KIF26A: variants seen among roughly 807,000 people sequenced by gnomAD.
The protein encoded by KIF26A is kinesin-like protein KIF26A.
In KIF26A, 74 loss-of-function variants were observed where a neutral mutation model predicts 126.0. The observed-to-expected ratio is 0.59, with a 90% CI of 0.49 to 0.71. The LOEUF is 0.71. Ranked by LOEUF, KIF26A falls within the 30% of genes least tolerant of loss-of-function variation. The probability of loss-of-function intolerance (pLI) is 0.00; values close to 1 mark genes in which losing one functional copy is unlikely to be tolerated. For missense variants in KIF26A, 2,984 were observed against 2,763.3 expected, an observed-to-expected ratio of 1.08 and a Z score of -1.79; for synonymous variants, 1,445 against 1,232.7, an observed-to-expected ratio of 1.17 and a Z score of -3.61.
chr14:104,165,544 C>CGT (rs1003334672), intron 4 of KIF26A, among the ~76,000 whole-genome samples: 7 of 91,352 alleles, frequency 7.7e-5, no homozygotes, highest in African/African-American at 1.1e-4. Flanking sequence ...TGTGTCTATG[C>CGT]GTGTGTGTGT....
At chr14:104,172,790 G>A (rs1487668859) in intron 7 of KIF26A, 122 bp downstream of exon 7, 11 of 1,068,276 alleles carry the variant, frequency 1.0e-5, no homozygotes, top group Admixed American at 2.5e-5. Flanking sequence ...GCCGTGGTGG[G>A]CATATGGGGT....
chr14:104,175,892 C>T lies in KIF26A; in HGVS notation c.3104C>T (p.Thr1035Met), dbSNP rs373844547. The T allele has an allele frequency of 1.8e-4, 282 of 1,542,318 alleles. No homozygotes were observed. The highest frequency in any genetic ancestry group is 2.3e-4 in the Non-Finnish European group (266 of 1,149,004). The change falls in exon 12 of 15, where the codon ACG (threonine) becomes ATG (methionine). Residue 1035 changes from threonine (T) to methionine (M), a missense_variant. Physicochemically the swap from Thr to Met is moderately conservative, Grantham distance 81. Transcript: ENST00000423312. ...ELNGEDELVF[T>M]VVEELSLGAL... ...AACGGCGAGGACGAGCTGGTGTTCA[C>T]GGTGGTGGAGGAGCTGTCCCTGGGG...
At chr14:104,165,313 G>GTC (rs1255382613) in intron 4 of KIF26A, among the ~76,000 whole-genome samples, 1 of 150,364 alleles carries the variant, frequency 6.7e-6, no homozygotes, top group Non-Finnish European at 1.5e-5. Flanking sequence ...GTGTCTGTGT[G>GTC]TCTCTATGCA....
chr14:104,169,199 A>C (rs1370325616), intron 5 of KIF26A, among the ~76,000 whole-genome samples: 1 of 152,070 alleles, frequency 6.6e-6, no homozygotes, highest in Non-Finnish European at 1.5e-5. Flanking sequence ...GAGGACGCCG[A>C]GGTCAGGTGT....
chr14:104,175,994 G>T lies in KIF26A; in HGVS notation c.3206G>T (p.Gly1069Val). 1.3e-6 allele frequency: 2 copies of T among 1,581,594 alleles called. No individual in the cohort carries two copies. The highest frequency in any genetic ancestry group is 1.7e-6 in the Non-Finnish European group (2 of 1,170,400). ...TGCTCCCTGCGGGCCCTGGCCTCGG[G>T]GTCCCGGCCAGTCAGCATCATCAGC... Reference protein sequence around the residue: ...SDCSLRALASGSRPVSIISSI... With the variant: ...SDCSLRALASVSRPVSIISSI... Residue 1069 changes from glycine to valine, a missense_variant, in exon 12 of 15, where the codon GGG becomes GTG. Gly to Val is a moderately radical substitution (Grantham distance 109, BLOSUM62 -3). Transcript: ENST00000423312.
Position 104,138,777 on chromosome 14 carries a change from C to G in KIF26A, c.42+13C>G, listed in dbSNP as rs988376752. The G allele has an allele frequency of 8.0e-6, 10 of 1,256,304 alleles. No homozygotes were observed. In the South Asian group the frequency reaches 9.8e-5, roughly 12 times the overall value. The allele number at this position is 1,256,304 out of a possible 1,614,324, so 77.8% of individuals were successfully genotyped here. On this transcript the variant is annotated intron_variant, in intron 1 of 14. Transcript: ENST00000423312. The stretch of plus-strand genomic sequence containing the variant: ...TGCGCAGCCCGCGGTACGCGCGGCC[C>G]GGCCTGGAGAGGGAGGCGGGCGGCG...
intron 2 of KIF26A, among the ~76,000 whole-genome samples, chr14:104,150,061 C>A (rs558066324): frequency 2.0e-5 from 3 of 152,184 alleles, no homozygotes; most frequent in Admixed American, 2.0e-4. Flanking sequence ...GCCCACTGGC[C>A]GCATCAGCAG....
At chr14:104,167,123 G>A (rs2037914352) in intron 5 of KIF26A, 75 bp downstream of exon 5, 2 of 1,367,542 alleles carry the variant, frequency 1.5e-6, no homozygotes, top group South Asian at 1.6e-5. Context: ...AGGGGTGAGG[G>A]AGTGGAGGGG....
intron 11 of KIF26A, among the ~76,000 whole-genome samples, 175 bp downstream of exon 11, chr14:104,174,485 G>T (rs2497298): frequency 0.38 from 57,144 of 151,998 alleles, 11,515 homozygotes; most frequent in African/African-American, 0.52. Flanking sequence ...CTGGGGGGTG[G>T]GGAGCCCAGC....
Position 104,176,406 on chromosome 14 carries a change from C to T in KIF26A, c.3618C>T (p.Ile1206=). 9.4e-6 allele frequency: 15 copies of T among 1,591,678 alleles called. No homozygotes were observed. Among genetic ancestry groups the T allele is most frequent in the Non-Finnish European group, 1.3e-5 (15 of 1,165,866 alleles). ...PSRWASAAQT[I]HSSLPRKPRT... ...GGTGGGCATCCGCAGCCCAGACCAT[C>T]CACTCCAGCCTCCCCCGGAAACCGA... Residue 1206 remains isoleucine, a synonymous_variant, in exon 12 of 15, where the codon ATC becomes ATT. Transcript: ENST00000423312.
At chr14:104,144,132 T>TG (rs1165805051) in intron 2 of KIF26A, among the ~76,000 whole-genome samples, 4 of 152,100 alleles carry the variant, frequency 2.6e-5, no homozygotes, top group African/African-American at 9.7e-5. Context: ...CAGCATGTGA[T>TG]GGGTGGAGGG....
intron 1 of KIF26A, 134 bp downstream of exon 1, chr14:104,138,898 G>C: frequency 3.2e-6 from 4 of 1,251,026 alleles, no homozygotes; most frequent in Non-Finnish European, 4.0e-6. Flanking sequence ...GGGACCTCCG[G>C]GGATGGAGGG....
In KIF26A at chr14:104,152,226, C is replaced by A; in HGVS notation, c.500C>A (p.Thr167Lys). Residue 167 changes from threonine to lysine, a missense_variant, in exon 3 of 15, where the codon ACG becomes AAG. By Grantham distance (78) the Thr-to-Lys change is moderately conservative (BLOSUM62 -1). Coordinates refer to ENST00000423312, the MANE Select transcript of KIF26A (RefSeq NM_015656.2). This position sits in a 1 kb window ranked among gnomAD's most constrained non-coding sequence, Gnocchi z 5.9. ...GGPSLAPPST[T>K]TSSRDTPGPA... ...CCCAGCCTCGCACCCCCCAGCACCA[C>A]GACCAGCTCGAGGGACACGCCAGGA... 1 of 1,599,600 alleles carries A rather than the reference C, an allele frequency of 6.3e-7. No individual in the cohort carries two copies. The highest frequency in any genetic ancestry group is 8.5e-7 in the Non-Finnish European group (1 of 1,174,952).
At position 104,174,978 on chromosome 14, in the gene KIF26A, C is replaced by T; in HGVS notation, c.2194-4C>T. On this transcript the variant is annotated splice_region_variant and splice_polypyrimidine_tract_variant and intron_variant, in intron 11 of 14. Transcript: ENST00000423312. ...GCTCGGCAGCTCCACTTTTCTTCCC[C>T]CAGTACGCCTCCAGCTCCTCTGGCG... 6.5e-7 allele frequency: 1 copy of T among 1,529,102 alleles called. No individual in the cohort carries two copies. The highest frequency in any genetic ancestry group is 8.8e-7 in the Non-Finnish European group (1 of 1,140,866). 94.7% of individuals were successfully genotyped at this position (1,529,102 alleles called of 1,614,324 possible). A position where few individuals can be genotyped will look rare whatever the true frequency, so the allele number is the denominator to read the frequency against.
chr14:104,165,439 CTG>C (rs879831770), intron 4 of KIF26A, among the ~76,000 whole-genome samples: 1,852 of 144,814 alleles, frequency 0.013, 22 homozygotes, highest in Middle Eastern at 0.023. Flanking sequence ...GTGTCTGTCT[CTG>C]TGTGTGTTTC....
Position 104,175,698 on chromosome 14 carries a change from A to G in KIF26A, c.2910A>G (p.Gly970=). The G allele has an allele frequency of 6.3e-7, 1 of 1,599,330 alleles. No individual in the cohort carries two copies. The highest frequency in any genetic ancestry group is 1.1e-5 in the South Asian group (1 of 89,114). The change falls in exon 12 of 15, where the codon GGA becomes GGG. Residue 970 remains glycine (G), a synonymous_variant. Transcript: ENST00000423312. ...EACRAPEEPG[G]GGTDGVARTP... Reference sequence around the variant, plus strand: ...GCAGAGCCCCAGAAGAGCCTGGGGGAGGGGGCACTGATGGAGTGGCACGGA... The same window carrying G: ...GCAGAGCCCCAGAAGAGCCTGGGGGGGGGGGCACTGATGGAGTGGCACGGA...
intron 2 of KIF26A, among the ~76,000 whole-genome samples, chr14:104,142,009 T>C (rs763597482): frequency 7.2e-5 from 11 of 152,314 alleles, no homozygotes; most frequent in Non-Finnish European, 1.2e-4. Context: ...TCCCTGGGGC[T>C]GTTGGAGCCC....
Position 104,175,614 on chromosome 14 carries a change from T to A in KIF26A, c.2826T>A (p.Ser942Arg). The change falls in exon 12 of 15, where the codon AGT (serine) becomes AGA (arginine). Residue 942 changes from serine to arginine, a missense_variant. Physicochemically the swap from Ser to Arg is moderately radical, Grantham distance 110. Coordinates refer to ENST00000423312, the MANE Select transcript of KIF26A (RefSeq NM_015656.2). ...TGGTCCCGGAAAAGGCTGCAGTGAG[T>A]GGAGGCAGGAGGCCACTGCCCAGCC... ...ELLVPEKAAV[S>R]GGRRPLPSPA... 6.2e-7 allele frequency: 1 copy of A among 1,610,854 alleles called. No individual in the cohort carries two copies. Among genetic ancestry groups the A allele is most frequent in the African/African-American group, 1.3e-5 (1 of 75,012 alleles).
chr14:104,178,392 C>T (rs963806801), intron 12 of KIF26A, among the ~76,000 whole-genome samples, 158 bp from the exon 13 acceptor site: 8 of 152,214 alleles, frequency 5.3e-5, no homozygotes, highest in African/African-American at 1.9e-4. Flanking sequence ...GGGTCGGCTT[C>T]CTCCCTGCCC....
Sources: gnomAD v4.1 joint callset for allele counts (sites outside exome capture counted in the v4.1 genomes callset) on GRCh38, gnomAD v4.1.1 for gene constraint, Gnocchi (gnomAD v3.1) non-coding constraint, MANE v1.5 for transcripts, NCBI Gene and HGNC (gene_info 2026-07-23, HGNC 2026-07-21) for gene names.